PDZD2: variants seen among roughly 807,000 people sequenced by gnomAD.
The protein encoded by PDZD2 is PDZ domain-containing protein 2.
PDZD2 carries 90 observed loss-of-function variants against 220.7 expected under a neutral mutation model. The observed-to-expected ratio is 0.41, with a 90% confidence interval of 0.34 to 0.49. PDZD2 has a LOEUF of 0.49. Among genes scored for constraint, PDZD2 ranks in the 20% least tolerant of loss-of-function variants. The pLI is 0.28. For synonymous variants in PDZD2, 1,375 were observed against 1,450.5 expected (o/e 0.95, Z 1.18); for missense variants, 3,174 against 3,608.5 (o/e 0.88, Z 3.08).
chr5:32,084,055 C>T (rs1742222887), intron 19 of PDZD2, among the ~76,000 whole-genome samples: 1 of 152,148 alleles, frequency 6.6e-6, no homozygotes, highest in Non-Finnish European at 1.5e-5. Context: ...CCCGCACTAC[C>T]GCCCATATTT....
chr5:32,048,756 C>T (rs1738229560), intron 8 of PDZD2, 72 bp downstream of exon 8: 5 of 1,499,258 alleles, frequency 3.3e-6, no homozygotes, highest in Admixed American at 3.4e-5. Context: ...CCCATCCATA[C>T]AGGCCAGGAG....
chr5:31,931,998 C>T (rs1745331805), intron 2 of PDZD2, among the ~76,000 whole-genome samples: 1 of 152,142 alleles, frequency 6.6e-6, no homozygotes, highest in African/African-American at 2.4e-5. Flanking sequence ...GTCCTCCCCG[C>T]TTGCACAATT....
chr5:31,842,550 A>G (rs1301871398), intron 2 of PDZD2, among the ~76,000 whole-genome samples: 1 of 152,268 alleles, frequency 6.6e-6, no homozygotes, highest in South Asian at 2.1e-4. Flanking sequence ...AGCAACTGCT[A>G]TCTGCTAGGC....
chr5:31,796,322 A>G lies in PDZD2; in HGVS notation c.-360-2567A>G, dbSNP rs562611084. Among the ~76,000 whole-genome samples the G allele has an allele frequency of 8.9e-4, 136 of 152,338 alleles. 2 individuals carry two copies. Among genetic ancestry groups the G allele is most frequent in the African/African-American group, 3.2e-3 (132 of 41,586 alleles). ...CGAGGGCAGCAATGCAGCCCCGTCC[A>G]GGATGGCGGAAAGTGAGGACGGGAA... On this transcript the variant is annotated intron_variant, in intron 1 of 24. Transcript: ENST00000438447.
rs1738201021 is a variant in PDZD2, at chr5:32,048,539, G to A, written c.1520G>A (p.Gly507Glu). The change falls in exon 8 of 25, where the codon GGG becomes GAG. Residue 507 changes from glycine to glutamate, a missense_variant and splice_region_variant. Transcript: ENST00000438447. ...NKIKLKSRLS[G>E]GVHRLESVEE... Reference sequence around the variant, plus strand: ...ATGTTTTCTCCTCTGTTTTCTCAAGGGGGTGTACACCGCCTTGAGTCAGTT... The same window carrying A: ...ATGTTTTCTCCTCTGTTTTCTCAAGAGGGTGTACACCGCCTTGAGTCAGTT... 2 of 1,613,148 alleles carry A rather than the reference G, an allele frequency of 1.2e-6. No individual in the cohort carries two copies. Among genetic ancestry groups the A allele is most frequent in the Non-Finnish European group, 1.7e-6 (2 of 1,179,246 alleles).
At chr5:31,850,777 C>T (rs1758014447) in intron 2 of PDZD2, among the ~76,000 whole-genome samples, 1 of 151,858 alleles carries the variant, frequency 6.6e-6, no homozygotes, top group Non-Finnish European at 1.5e-5. Context: ...GCTGGGACTA[C>T]AGGTGCATGC....
chr5:31,935,865 C>T (rs1050385035), intron 2 of PDZD2, among the ~76,000 whole-genome samples: 5 of 152,302 alleles, frequency 3.3e-5, no homozygotes, highest in Middle Eastern at 3.4e-3. Context: ...GCCAAGTGTG[C>T]GTCCTTTGGT....
At chr5:31,951,596 C>A (rs7716545) in intron 2 of PDZD2, among the ~76,000 whole-genome samples, 43,584 of 152,096 alleles carry the variant, frequency 0.29, 6,536 homozygotes, top group Middle Eastern at 0.44. Context: ...CATGTTGTTT[C>A]ATGTTTCAGT....
At chr5:31,881,366 GTGTA>G (rs767126400) in intron 2 of PDZD2, among the ~76,000 whole-genome samples, 1,425 of 98,720 alleles carry the variant, frequency 0.014, 6 homozygotes, top group African/African-American at 0.044. Flanking sequence ...GTGTGTGTGT[GTGTA>G]TATATTTTTT....
At chr5:31,766,792 G>A (rs939800829) in intron 1 of PDZD2, among the ~76,000 whole-genome samples, 5 of 151,008 alleles carry the variant, frequency 3.3e-5, no homozygotes, top group Admixed American at 1.3e-4. Context: ...GTGCAATGGC[G>A]CATCTCAGCT....
chr5:32,034,826 G>A (rs1180627014), intron 6 of PDZD2, among the ~76,000 whole-genome samples: 1 of 152,164 alleles, frequency 6.6e-6, no homozygotes, highest in Non-Finnish European at 1.5e-5. Context: ...AGCTCAGGAT[G>A]TCTCAGAGAT....
chr5:31,763,845 A>T (rs1483139279), intron 1 of PDZD2, among the ~76,000 whole-genome samples: 1 of 149,332 alleles, frequency 6.7e-6, no homozygotes, highest in Non-Finnish European at 1.5e-5. Flanking sequence ...ATTTGAAAGT[A>T]AAGGAGAGGA....
intron 15 of PDZD2, among the ~76,000 whole-genome samples, chr5:32,070,001 C>A (rs1335024676): frequency 6.6e-6 from 1 of 152,114 alleles, no homozygotes; most frequent in Non-Finnish European, 1.5e-5. Context: ...AGAGTATTAT[C>A]TACCAAAAAG....
chr5:31,914,257 C>T (rs1055416742), intron 2 of PDZD2, among the ~76,000 whole-genome samples: 6 of 152,178 alleles, frequency 3.9e-5, no homozygotes, highest in African/African-American at 1.4e-4. Context: ...CCTGGCCGGG[C>T]GCGGTGGCTC....
At chr5:32,010,537 TG>T in intron 6 of PDZD2, 55 bp downstream of exon 6, 2 of 1,327,962 alleles carry the variant, frequency 1.5e-6, no homozygotes, top group Non-Finnish European at 2.2e-6. Flanking sequence ...TCTGAAGTCC[TG>T]GGCGCCAGGA....
At chr5:32,071,611 AT>A (rs1322122843) in intron 16 of PDZD2, among the ~76,000 whole-genome samples, 193 bp downstream of exon 16, 1 of 152,222 alleles carries the variant, frequency 6.6e-6, no homozygotes, top group Non-Finnish European at 1.5e-5. Context: ...CTAAACACTT[AT>A]CCAGGAAAAG....
chr5:32,107,082 A>AT (rs1330883010), intron 24 of PDZD2, among the ~76,000 whole-genome samples: 3 of 152,122 alleles, frequency 2.0e-5, no homozygotes, highest in Admixed American at 6.5e-5. Context: ...TTCTGAGAAA[A>AT]TTTTTTTCAC....
intron 3 of PDZD2, among the ~76,000 whole-genome samples, chr5:31,990,510 C>T (rs927221109): frequency 6.6e-6 from 1 of 152,188 alleles, no homozygotes; most frequent in Non-Finnish European, 1.5e-5. Flanking sequence ...GGGTCTGTTG[C>T]AGAACTCGGT....
rs1270090154 is a variant in PDZD2 at position 32,090,415 on chromosome 5, C to A, written c.6967C>A (p.Gln2323Lys). 3 of 1,614,144 alleles carry A rather than the reference C, an allele frequency of 1.9e-6. No homozygotes were observed. Among genetic ancestry groups the A allele is most frequent in the Non-Finnish European group, 2.5e-6 (3 of 1,180,010 alleles). The change falls in exon 20 of 25, where the codon CAG (glutamine) becomes AAG (lysine). Residue 2323 changes from glutamine to lysine, a missense_variant. Gln to Lys is a moderately conservative substitution (Grantham distance 53, BLOSUM62 1). This residue lies in a region of PDZD2 where 631 missense variants were observed against 789.9 expected (regional missense o/e 0.80). Transcript: ENST00000438447. This position sits in a 1 kb window ranked among gnomAD's most constrained non-coding sequence, Gnocchi z 4.3. ...CACCAGACGACACTACTGCTATGAG[C>A]AGAACTGGCCCCATGAATCTACCTC... Reference protein sequence around the residue: ...KVTRRHYCYEQNWPHESTSFF... With the variant: ...KVTRRHYCYEKNWPHESTSFF...
Sources: allele counts gnomAD v4.1 joint callset (sites outside exome capture counted in the v4.1 genomes callset), GRCh38; gene constraint gnomAD v4.1.1; regional missense constraint gnomAD v4.1.1; non-coding constraint Gnocchi (gnomAD v3.1); transcripts MANE v1.5; gene names NCBI Gene and HGNC (gene_info 2026-07-23, HGNC 2026-07-21).